The following SLC9A9 variants were observed in gnomAD, a reference collection of about 807,000 sequenced individuals.
SLC9A9 encodes solute carrier family 9 member A9, also known as sodium/hydrogen exchanger 9.
A neutral mutation model predicts 77.8 loss-of-function variants in SLC9A9; 62 were observed. The ratio of observed to expected loss-of-function variants is 0.80; its 90% CI spans 0.65 to 0.98. The LOEUF (loss-of-function observed/expected upper bound fraction) is 0.98. SLC9A9 is among the 50% of genes least tolerant of loss of function. The pLI is 0.00. For synonymous variants in SLC9A9, 320 were observed against 283.5 expected (o/e 1.13, Z -1.29); for missense variants, 775 against 774.9 (o/e 1.00, Z 0.00).
chr3:143,498,316 A>G (rs2035872116), intron 9 of SLC9A9, among the ~76,000 whole-genome samples: 1 of 152,184 alleles, frequency 6.6e-6, no homozygotes, highest in African/African-American at 2.4e-5. Context: ...TACATTATTC[A>G]GAATTTTCCA....
chr3:143,466,176 T>C (rs1275631147), intron 12 of SLC9A9, among the ~76,000 whole-genome samples: 3 of 152,220 alleles, frequency 2.0e-5, no homozygotes, highest in Admixed American at 2.0e-4. Context: ...GATCTTTACG[T>C]GTTGAAGGCA....
At chr3:143,322,879 G>C (rs1194692529) in intron 14 of SLC9A9, among the ~76,000 whole-genome samples, 1 of 151,602 alleles carries the variant, frequency 6.6e-6, no homozygotes, top group Non-Finnish European at 1.5e-5. Context: ...CTAACATTGG[G>C]GAAAAGACAC....
At chr3:143,802,939 C>T (rs139953512) in intron 2 of SLC9A9, among the ~76,000 whole-genome samples, 5,626 of 152,220 alleles carry the variant, frequency 0.037, 283 homozygotes, top group African/African-American at 0.11. Context: ...GGTGACTATC[C>T]TCCAGTCCTC....
chr3:143,660,405 T>G (rs2038961064), intron 5 of SLC9A9, among the ~76,000 whole-genome samples: 1 of 152,182 alleles, frequency 6.6e-6, no homozygotes, highest in Non-Finnish European at 1.5e-5. Context: ...ACCTCAACTT[T>G]CAGCCCCAAG....
chr3:143,270,385 C>G (rs1032568050), intron 14 of SLC9A9, among the ~76,000 whole-genome samples: 1 of 152,028 alleles, frequency 6.6e-6, no homozygotes, highest in African/African-American at 2.4e-5. Flanking sequence ...CCAATATCAC[C>G]CCTAGAAGAC....
chr3:143,278,152 A>AAGAT (rs762473080), intron 14 of SLC9A9, among the ~76,000 whole-genome samples: 5 of 152,182 alleles, frequency 3.3e-5, no homozygotes, highest in African/African-American at 4.8e-5. Context: ...TGCCTCTGAA[A>AAGAT]AGATAGGAAC....
chr3:143,440,984 G>A (rs2108544439), intron 12 of SLC9A9, among the ~76,000 whole-genome samples: 1 of 152,302 alleles, frequency 6.6e-6, no homozygotes, highest in Non-Finnish European at 1.5e-5. Flanking sequence ...TCTGTGCTGT[G>A]CCCTTTCAGA....
At chr3:143,317,941 A>T (rs964800344) in intron 14 of SLC9A9, among the ~76,000 whole-genome samples, 1 of 152,044 alleles carries the variant, frequency 6.6e-6, no homozygotes, top group Non-Finnish European at 1.5e-5. Flanking sequence ...GTTAGCCAGG[A>T]TGGTCTCGAT....
intron 14 of SLC9A9, among the ~76,000 whole-genome samples, chr3:143,297,076 A>G (rs2030304342): frequency 6.6e-6 from 1 of 152,168 alleles, no homozygotes; most frequent in East Asian, 1.9e-4. Context: ...TTCTGGTGTC[A>G]TATCCAAGAA....
intron 4 of SLC9A9, among the ~76,000 whole-genome samples, chr3:143,704,375 A>G (rs1390928158): frequency 6.6e-6 from 1 of 152,230 alleles, no homozygotes; most frequent in Non-Finnish European, 1.5e-5. Context: ...ATCATTCATC[A>G]TGACGAAGTG....
chr3:143,767,303 C>A (rs969443779), intron 4 of SLC9A9, among the ~76,000 whole-genome samples: 1 of 151,906 alleles, frequency 6.6e-6, no homozygotes, highest in Admixed American at 6.6e-5. Context: ...TTTACCCCTT[C>A]CCTATCATAT....
chr3:143,724,377 G>A lies in SLC9A9; in HGVS notation c.534-31070C>T, dbSNP rs1285139506. ...CTTCCTGTTAAGCCTGCGGAACTGTGAGTCAATTAAACTTCTTTTCTTCAT... is the reference window on the plus strand; with the variant it reads ...CTTCCTGTTAAGCCTGCGGAACTGTAAGTCAATTAAACTTCTTTTCTTCAT... On this transcript the variant is annotated intron_variant, in intron 4 of 15. Coordinates refer to ENST00000316549, the MANE Select transcript of SLC9A9 (RefSeq NM_173653.4). Among the ~76,000 whole-genome samples the A allele has an allele frequency of 3.3e-5, 5 of 152,286 alleles. No individual in the cohort carries two copies. In the East Asian group the frequency reaches 9.6e-4, roughly 29 times the overall value.
Position 143,418,867 on chromosome 3 carries a change from G to A in SLC9A9, c.1470-36753C>T, listed in dbSNP as rs76263952. The stretch of plus-strand genomic sequence containing the variant: ...GAAGGCATGGAGTTGCTTTCTGATT[G>A]ATTGTCCTCATTTGCAGGGATGTGT... On this transcript the variant is annotated intron_variant, in intron 12 of 15. Transcript: ENST00000316549. 1.1e-3 allele frequency among the ~76,000 whole-genome samples: 172 copies of A among 152,244 alleles called. 2 individuals carry two copies. The East Asian group carries it at 0.029, about 25-fold the overall frequency.
intron 14 of SLC9A9, among the ~76,000 whole-genome samples, chr3:143,344,042 A>G (rs890898696): frequency 6.6e-6 from 1 of 152,204 alleles, no homozygotes; most frequent in Admixed American, 6.6e-5. Context: ...CATGTAAATT[A>G]GATTCATTAA....
chr3:143,360,478 C>T (rs1292719073), intron 14 of SLC9A9, among the ~76,000 whole-genome samples: 2 of 152,140 alleles, frequency 1.3e-5, no homozygotes, highest in African/African-American at 2.4e-5. Flanking sequence ...ATCAGTAGTA[C>T]ACTTGTGTTG....
Position 143,577,812 on chromosome 3 carries a change from T to C in SLC9A9, c.894+773A>G, listed in dbSNP as rs145737546. The stretch of plus-strand genomic sequence containing the variant: ...TTCCTTCTCCTTCCCCTGAGGTCTT[T>C]GGCCCTAGATCTTCTGTTCTACCTC... On this transcript the variant is annotated intron_variant, in intron 7 of 15. Coordinates refer to ENST00000316549, the MANE Select transcript of SLC9A9 (RefSeq NM_173653.4). Among the ~76,000 whole-genome samples the C allele has an allele frequency of 4.4e-3, 673 of 152,318 alleles. 4 individuals carry two copies. The highest frequency in any genetic ancestry group is 0.016 in the African/African-American group (649 of 41,570).
chr3:143,468,741 A>G (rs1213835193), intron 11 of SLC9A9, among the ~76,000 whole-genome samples: 5 of 152,264 alleles, frequency 3.3e-5, no homozygotes, highest in Admixed American at 6.5e-5. Flanking sequence ...ATGATTACAT[A>G]GTTTTACAAA....
intron 14 of SLC9A9, among the ~76,000 whole-genome samples, chr3:143,328,032 C>T (rs1279809741): frequency 6.6e-6 from 1 of 152,158 alleles, no homozygotes; most frequent in African/African-American, 2.4e-5. Context: ...TATCTATTTT[C>T]TCTGCTTACA....
chr3:143,689,339 G>C (rs1280616412), intron 5 of SLC9A9, among the ~76,000 whole-genome samples: 1 of 152,100 alleles, frequency 6.6e-6, no homozygotes, highest in Non-Finnish European at 1.5e-5. Flanking sequence ...TCTATCAATA[G>C]AAGACTGATT....
Sources: gnomAD v4.1 joint callset for allele counts (sites outside exome capture counted in the v4.1 genomes callset) on GRCh38, gnomAD v4.1.1 for gene constraint, MANE v1.5 for transcripts, NCBI Gene and HGNC (gene_info 2026-07-23, HGNC 2026-07-21) for gene names.